Variants in OPCML observed in about 807,000 individuals in gnomAD.
OPCML encodes opioid binding protein/cell adhesion molecule like.
In OPCML, 13 loss-of-function variants were observed where a neutral mutation model predicts 37.8. The observed-to-expected ratio is 0.34, with a 90% CI of 0.22 to 0.55. OPCML has a LOEUF of 0.55. Ranked by LOEUF, OPCML falls within the 20% of genes least tolerant of loss-of-function variation. The pLI, the probability that OPCML is intolerant of heterozygous loss-of-function variation, is 0.91. For synonymous variants in OPCML, 176 were observed against 168.8 expected, an observed-to-expected ratio of 1.04 and a Z score of -0.33; for missense variants, 341 against 435.6, an observed-to-expected ratio of 0.78 and a Z score of 1.93.
chr11:133,491,492 T>C (rs1224271996), intron 1 of OPCML, among the ~76,000 whole-genome samples: 1 of 152,168 alleles, frequency 6.6e-6, no homozygotes, highest in Non-Finnish European at 1.5e-5. Flanking sequence ...TCATAAACAA[T>C]ATTTCCCCCA....
At chr11:133,230,310 A>C (rs1940222646) in intron 1 of OPCML, among the ~76,000 whole-genome samples, 1 of 152,196 alleles carries the variant, frequency 6.6e-6, no homozygotes, top group Non-Finnish European at 1.5e-5. Context: ...GCAGAGGTAC[A>C]AATGCTAAGT....
chr11:132,561,918 C>T (rs963840750), intron 3 of OPCML, among the ~76,000 whole-genome samples: 3 of 152,158 alleles, frequency 2.0e-5, no homozygotes, highest in Admixed American at 6.5e-5. Context: ...AGCCTAGTGT[C>T]CATACAGCCA....
intron 1 of OPCML, among the ~76,000 whole-genome samples, chr11:133,223,105 G>T (rs1320059780): frequency 6.6e-6 from 1 of 152,174 alleles, no homozygotes; most frequent in African/African-American, 2.4e-5. Context: ...CCCTGGGTGG[G>T]GACCCAGCAC....
At chr11:132,657,019 A>G in intron 3 of OPCML, 68 bp downstream of exon 3, 1 of 1,572,438 alleles carries the variant, frequency 6.4e-7, no homozygotes, top group Non-Finnish European at 8.6e-7. Flanking sequence ...AGGTAGAACA[A>G]ACACCAACAC....
At chr11:133,002,283 A>G (rs1039059485) in intron 1 of OPCML, among the ~76,000 whole-genome samples, 17 of 152,152 alleles carry the variant, frequency 1.1e-4, no homozygotes, top group African/African-American at 4.1e-4. Flanking sequence ...TAAGGTCACC[A>G]CTCAGCTTTT....
At chr11:133,133,008 C>T (rs571486865) in intron 1 of OPCML, among the ~76,000 whole-genome samples, 31 of 152,208 alleles carry the variant, frequency 2.0e-4, no homozygotes, top group South Asian at 1.5e-3. Context: ...TTAGAACCAA[C>T]GTCAGAGAAA....
chr11:133,082,805 C>A (rs893763071), intron 1 of OPCML, among the ~76,000 whole-genome samples: 1 of 148,486 alleles, frequency 6.7e-6, no homozygotes, highest in Non-Finnish European at 1.5e-5. Flanking sequence ...CTCCTCGCGG[C>A]CCGGGCGGGG....
At chr11:132,437,555 T>A in intron 4 of OPCML, 196 bp from the exon 5 acceptor site, 1 of 818,248 alleles carries the variant, frequency 1.2e-6, no homozygotes, top group Non-Finnish European at 1.5e-6. Flanking sequence ...TGCTTGAGTC[T>A]TGCATCAATG....
rs546544572 is a variant in OPCML at position 132,621,050 on chromosome 11, G to A, written c.379+36037C>T. On this transcript the variant is annotated intron_variant, in intron 3 of 7. Transcript: ENST00000524381. ...GAATCTGAGGACCCATGTAGGACACGTGTGACACACAAGGCTTTTGAAGGA... is the reference window on the plus strand; with the variant it reads ...GAATCTGAGGACCCATGTAGGACACATGTGACACACAAGGCTTTTGAAGGA... Among the ~76,000 whole-genome samples the A allele has an allele frequency of 5.9e-5, 9 of 152,374 alleles. No individual in the cohort carries two copies. The South Asian group carries it at 1.7e-3, about 28-fold the overall frequency.
intron 2 of OPCML, among the ~76,000 whole-genome samples, chr11:132,847,521 A>AT (rs1347567236): frequency 6.6e-6 from 1 of 152,054 alleles, no homozygotes; most frequent in Non-Finnish European, 1.5e-5. Flanking sequence ...TTTAATACTC[A>AT]TTTTTTTCTT....
chr11:132,703,315 A>G (rs1255872587), intron 2 of OPCML, among the ~76,000 whole-genome samples: 1 of 152,222 alleles, frequency 6.6e-6, no homozygotes, highest in Admixed American at 6.5e-5. Context: ...TCTAAACATT[A>G]AAAAGGTACA....
chr11:132,672,132 C>T (rs1055307899), intron 2 of OPCML, among the ~76,000 whole-genome samples: 1 of 152,078 alleles, frequency 6.6e-6, no homozygotes, highest in Non-Finnish European at 1.5e-5. Flanking sequence ...TCTCATTCTC[C>T]TTTTCCTGCT....
At chr11:132,948,905 C>T (rs1453869360) in intron 1 of OPCML, among the ~76,000 whole-genome samples, 1 of 152,140 alleles carries the variant, frequency 6.6e-6, no homozygotes, top group Non-Finnish European at 1.5e-5. Context: ...TCGTTTATGA[C>T]AATTTGTAAC....
chr11:132,530,625 G>A (rs889868804), intron 3 of OPCML, among the ~76,000 whole-genome samples: 3 of 151,738 alleles, frequency 2.0e-5, no homozygotes, highest in East Asian at 1.9e-4. Context: ...CAAAACCACC[G>A]ATGAACCTCA....
At chr11:132,454,829 A>G (rs1473443358) in intron 4 of OPCML, among the ~76,000 whole-genome samples, 1 of 152,182 alleles carries the variant, frequency 6.6e-6, no homozygotes, top group Non-Finnish European at 1.5e-5. Flanking sequence ...CACAGCCAGT[A>G]TGCACACCCC....
intron 1 of OPCML, among the ~76,000 whole-genome samples, chr11:133,429,643 G>T (rs1946077027): frequency 6.6e-6 from 1 of 152,134 alleles, no homozygotes; most frequent in Non-Finnish European, 1.5e-5. Flanking sequence ...AGAGTCAACA[G>T]GATTTACTGA....
intron 2 of OPCML, among the ~76,000 whole-genome samples, chr11:132,684,165 TAATTA>T (rs1266648129): frequency 6.6e-6 from 1 of 152,208 alleles, no homozygotes; most frequent in Non-Finnish European, 1.5e-5. Context: ...TACCTCTCCT[TAATTA>T]ATTTATAATG....
intron 2 of OPCML, among the ~76,000 whole-genome samples, chr11:132,674,372 A>G (rs552130767): frequency 6.6e-6 from 1 of 152,326 alleles, no homozygotes; most frequent in African/African-American, 2.4e-5. Flanking sequence ...GCCAAGCTCA[A>G]CAGATGGCAG....
At chr11:132,646,681 C>T (rs1941167870) in intron 3 of OPCML, among the ~76,000 whole-genome samples, 1 of 152,066 alleles carries the variant, frequency 6.6e-6, no homozygotes, top group African/African-American at 2.4e-5. Flanking sequence ...GAAAAAGAGT[C>T]AAAGCTGAAG....
Sources: gnomAD v4.1 joint callset for allele counts (sites outside exome capture counted in the v4.1 genomes callset) on GRCh38, gnomAD v4.1.1 for gene constraint, MANE v1.5 for transcripts, NCBI Gene and HGNC (gene_info 2026-07-23, HGNC 2026-07-21) for gene names.